The following ABI2 variants were observed in gnomAD, a reference collection of about 807,000 sequenced individuals.
ABI2 encodes abelson interactor 2.
In ABI2, 25 loss-of-function variants were observed where a neutral mutation model predicts 59.2. The observed-to-expected ratio is 0.42, with a 90% CI of 0.31 to 0.59. The LOEUF is 0.59. ABI2 is among the 20% of genes least tolerant of loss of function. The pLI is 0.14. For missense variants in ABI2, 545 were observed against 681.8 expected, an observed-to-expected ratio of 0.80 and a Z score of 2.23; for synonymous variants, 213 against 235.5, an observed-to-expected ratio of 0.90 and a Z score of 0.87.
intron 2 of ABI2, among the ~76,000 whole-genome samples, chr2:203,373,279 A>G (rs970147111): frequency 1.3e-5 from 2 of 152,176 alleles, no homozygotes; most frequent in Admixed American, 1.3e-4. Flanking sequence ...CGGCCAACAC[A>G]GCGAAACCCC....
intron 10 of ABI2, among the ~76,000 whole-genome samples, chr2:203,411,573 A>G (rs1005994145): frequency 5.9e-5 from 9 of 152,252 alleles, no homozygotes; most frequent in African/African-American, 1.9e-4. Context: ...ACAAATACAT[A>G]TAAAATAAGG....
chr2:203,427,604 A>G lies in ABI2; in HGVS notation c.*252A>G, dbSNP rs1400957520. 3 of 361,040 alleles carry G rather than the reference A, an allele frequency of 8.3e-6. No homozygotes were observed. The highest frequency in any genetic ancestry group is 2.0e-5 in the African/African-American group (1 of 49,772). The allele number at this position is 361,040 out of a possible 1,614,324, so 22.4% of individuals were successfully genotyped here. A position where few individuals can be genotyped will look rare whatever the true frequency, so the allele number is the denominator to read the frequency against. On this transcript the variant is annotated 3_prime_UTR_variant, in exon 12 of 12. Coordinates refer to ENST00000261018, the MANE Select transcript of ABI2 (RefSeq NM_001375670.1). The stretch of plus-strand genomic sequence containing the variant: ...AAAATGACCATTTTTATGTATGTCA[A>G]AGGTATAACAGCATAACTGTGTAGC...
intron 11 of ABI2, 25 bp downstream of exon 11, chr2:203,417,106 T>C: frequency 6.3e-7 from 1 of 1,581,850 alleles, no homozygotes; most frequent in Non-Finnish European, 8.6e-7. Context: ...GATATCTGGA[T>C]AGATGGGAAG....
At chr2:203,367,296 A>G in intron 2 of ABI2, 1 of 312,834 alleles carries the variant, frequency 3.2e-6, no homozygotes, top group Non-Finnish European at 5.3e-6. Flanking sequence ...AATCAGCCCT[A>G]TAATGAAACT....
intron 1 of ABI2, among the ~76,000 whole-genome samples, chr2:203,339,653 A>G (rs976747741): frequency 3.9e-5 from 6 of 152,116 alleles, no homozygotes; most frequent in Non-Finnish European, 8.8e-5. Flanking sequence ...GGACAAACAT[A>G]CAATCCCACT....
At chr2:203,393,477 T>G (rs1016664632) in intron 5 of ABI2, among the ~76,000 whole-genome samples, 1 of 152,258 alleles carries the variant, frequency 6.6e-6, no homozygotes, top group Non-Finnish European at 1.5e-5. Context: ...GAACTTCCTT[T>G]TAGTATTTTA....
At position 203,411,269 on chromosome 2, in the gene ABI2, T is replaced by C; in HGVS notation, c.1193-16T>C. ...GCCCTTATCCCTTATCCTCCACACC[T>C]TTTTTGTTTTTGCAGTATCTCTTGC... On this transcript the variant is annotated splice_polypyrimidine_tract_variant and intron_variant, in intron 9 of 11. Transcript: ENST00000261018. The C allele has an allele frequency of 3.1e-6, 5 of 1,600,176 alleles. No homozygotes were observed. Among genetic ancestry groups the C allele is most frequent in the Non-Finnish European group, 4.3e-6 (5 of 1,167,726 alleles).
chr2:203,410,843 T>G (rs1322256153), intron 9 of ABI2, among the ~76,000 whole-genome samples: 1 of 151,996 alleles, frequency 6.6e-6, no homozygotes, highest in African/African-American at 2.4e-5. Context: ...TGACAAACAT[T>G]TAAACTTGTA....
chr2:203,373,872 C>A (rs960620006), intron 2 of ABI2, among the ~76,000 whole-genome samples: 4 of 152,178 alleles, frequency 2.6e-5, no homozygotes, highest in African/African-American at 9.7e-5. Context: ...TGTCTAAAAA[C>A]TTTAGGCTGG....
chr2:203,334,236 C>T (rs2075390219), intron 1 of ABI2, among the ~76,000 whole-genome samples: 1 of 152,072 alleles, frequency 6.6e-6, no homozygotes, highest in Non-Finnish European at 1.5e-5. Flanking sequence ...CCATCGTGCC[C>T]AGCCTCATTT....
intron 1 of ABI2, among the ~76,000 whole-genome samples, chr2:203,342,897 A>G (rs943446175): frequency 2.0e-5 from 3 of 152,280 alleles, no homozygotes; most frequent in South Asian, 4.1e-4. Context: ...ATGGACATGA[A>G]ATTTATATTA....
chr2:203,372,218 CAT>C (rs2095280300), intron 2 of ABI2, among the ~76,000 whole-genome samples: 1 of 152,140 alleles, frequency 6.6e-6, no homozygotes, highest in South Asian at 2.1e-4. Flanking sequence ...GGACACAGCA[CAT>C]GTTTCAGAGA....
intron 2 of ABI2, among the ~76,000 whole-genome samples, chr2:203,370,126 TG>T (rs770459524): frequency 6.2e-5 from 9 of 144,910 alleles, no homozygotes; most frequent in Non-Finnish European, 1.2e-4. Flanking sequence ...TTAGGTTTTG[TG>T]GGCCATGTGT....
At chr2:203,378,118 C>T (rs1158767042) in intron 2 of ABI2, among the ~76,000 whole-genome samples, 8 of 142,270 alleles carry the variant, frequency 5.6e-5, no homozygotes, top group South Asian at 2.2e-4. Context: ...CTTTTCTTTT[C>T]TTTTTTTTTT....
intron 9 of ABI2, among the ~76,000 whole-genome samples, chr2:203,406,078 GA>G (rs1396218360): frequency 6.6e-6 from 1 of 152,100 alleles, no homozygotes; most frequent in Non-Finnish European, 1.5e-5. Context: ...AATGAAATAG[GA>G]ATACCAATTT....
At chr2:203,336,874 CTT>C (rs1399458245) in intron 1 of ABI2, among the ~76,000 whole-genome samples, 3 of 152,196 alleles carry the variant, frequency 2.0e-5, no homozygotes, top group Non-Finnish European at 4.4e-5. Context: ...TTGCCAAACT[CTT>C]TTCCAAAAAC....
chr2:203,346,999 A>G (rs2084050751), intron 1 of ABI2, among the ~76,000 whole-genome samples: 1 of 152,174 alleles, frequency 6.6e-6, no homozygotes, highest in African/African-American at 2.4e-5. Flanking sequence ...AATTTTGTAT[A>G]GTTTTTCTTA....
chr2:203,368,673 C>T (rs1386837457), intron 2 of ABI2, among the ~76,000 whole-genome samples: 2 of 151,964 alleles, frequency 1.3e-5, no homozygotes, highest in African/African-American at 2.4e-5. Context: ...CAAACTTCTG[C>T]AGACATATCA....
intron 3 of ABI2, among the ~76,000 whole-genome samples, 157 bp downstream of exon 3, chr2:203,380,541 C>A (rs2153213291): frequency 6.6e-6 from 1 of 152,184 alleles, no homozygotes; most frequent in Admixed American, 6.5e-5. Flanking sequence ...CTGTTTTACC[C>A]TTTTTGCTTT....
Sources: gnomAD v4.1 joint callset for allele counts (sites outside exome capture counted in the v4.1 genomes callset) on GRCh38, gnomAD v4.1.1 for gene constraint, MANE v1.5 for transcripts, NCBI Gene and HGNC (gene_info 2026-07-23, HGNC 2026-07-21) for gene names.